The following CTXND1 variants were observed in gnomAD, a reference collection of about 807,000 sequenced individuals.
The protein encoded by CTXND1 is cortexin domain containing 1, also known as cortexin domain-containing 1 protein.
chr15:80,246,723 T>G (rs1223956058), intron 1 of CTXND1, among the ~76,000 whole-genome samples: 1 of 152,246 alleles, frequency 6.6e-6, no homozygotes, highest in Non-Finnish European at 1.5e-5. Context: ...TTTTAGACTC[T>G]AATGTTTATC....
intron 2 of CTXND1, 49 bp from the exon 3 acceptor site, chr15:80,202,063 C>G: frequency 2.5e-6 from 1 of 397,616 alleles, no homozygotes. Flanking sequence ...GGTCAGGTGC[C>G]TGGGGTGATT....
At chr15:80,243,914 C>T (rs73489266) in intron 1 of CTXND1, among the ~76,000 whole-genome samples, 1 of 152,164 alleles carries the variant, frequency 6.6e-6, no homozygotes, top group Non-Finnish European at 1.5e-5. Flanking sequence ...GTTAACAGCT[C>T]CTGGGAGGAG....
At chr15:80,227,515 G>A (rs1393571835) in intron 1 of CTXND1, among the ~76,000 whole-genome samples, 2 of 147,486 alleles carry the variant, frequency 1.4e-5, no homozygotes, top group South Asian at 4.4e-4. Context: ...AGATATTGTG[G>A]GTTCGGTTCT....
rs1482004224 is a variant in CTXND1 at position 80,196,863 on chromosome 15, T to TTTA, written c.*4904_*4906dup. 6.6e-6 allele frequency: 1 copy of TTTA among 152,198 alleles called. No individual in the cohort carries two copies. The highest frequency in any genetic ancestry group is 1.5e-5 in the Non-Finnish European group (1 of 68,066). 9.4% of individuals were successfully genotyped at this position (152,198 alleles called of 1,614,324 possible). On this transcript the variant is annotated 3_prime_UTR_variant, in exon 3 of 3. Coordinates refer to ENST00000560778, the MANE Select transcript of CTXND1 (RefSeq NM_001352888.2). ...GGGCAGGAGGCAAGAGGTCAAGGTA[T>TTTA]TTATTCCCCCAGCTCTCTTCCTACT...
chr15:80,213,411 C>T (rs1289442068), intron 1 of CTXND1, among the ~76,000 whole-genome samples: 2 of 151,892 alleles, frequency 1.3e-5, no homozygotes, highest in South Asian at 4.2e-4. Flanking sequence ...AAGGACCGTG[C>T]AGATGTGATT....
chr15:80,244,546 T>C (rs929933363), intron 1 of CTXND1, among the ~76,000 whole-genome samples: 1 of 152,034 alleles, frequency 6.6e-6, no homozygotes, highest in African/African-American at 2.4e-5. Context: ...TCAGGCAGAG[T>C]TTCCTTTGAG....
chr15:80,204,323 T>G (rs1051389983), intron 1 of CTXND1, among the ~76,000 whole-genome samples: 1 of 151,260 alleles, frequency 6.6e-6, no homozygotes, highest in Non-Finnish European at 1.5e-5. Flanking sequence ...GGCATTTATG[T>G]GTACTGTTCA....
At chr15:80,210,441 G>A (rs369765467) in intron 1 of CTXND1, among the ~76,000 whole-genome samples, 19 of 152,028 alleles carry the variant, frequency 1.2e-4, no homozygotes, top group African/African-American at 3.9e-4. Context: ...CTTCCCTCTC[G>A]CAGCCAGAGA....
chr15:80,240,565 C>T lies in CTXND1; in HGVS notation c.-218+11442G>A, dbSNP rs139858138. On this transcript the variant is annotated intron_variant, in intron 1 of 2. Transcript: ENST00000560778. ...GTTAGCAATGGAATCAGTTCCTAAT[C>T]ACTGTGTAGAGCGGAAAGCCTCTCC... Among the ~76,000 whole-genome samples the T allele has an allele frequency of 2.1e-3, 322 of 152,316 alleles. 3 individuals are homozygous for T. Among genetic ancestry groups the T allele is most frequent in the African/African-American group, 7.3e-3 (305 of 41,570 alleles).
chr15:80,239,452 T>C (rs1436543595), intron 1 of CTXND1, among the ~76,000 whole-genome samples: 1 of 152,194 alleles, frequency 6.6e-6, no homozygotes, highest in Non-Finnish European at 1.5e-5. Context: ...CACAATCTAA[T>C]CAGCTGCCAG....
chr15:80,221,200 C>T (rs536023928), intron 1 of CTXND1, among the ~76,000 whole-genome samples: 6 of 152,284 alleles, frequency 3.9e-5, no homozygotes, highest in East Asian at 1.9e-4. Flanking sequence ...TGAGCCACCA[C>T]GCCCAGCCTC....
chr15:80,216,893 G>A (rs1435873203), intron 1 of CTXND1, among the ~76,000 whole-genome samples: 3 of 152,142 alleles, frequency 2.0e-5, no homozygotes, highest in Non-Finnish European at 4.4e-5. Flanking sequence ...AGAATTACGG[G>A]TGTGAGCCAC....
intron 1 of CTXND1, among the ~76,000 whole-genome samples, chr15:80,240,372 C>A (rs1287606466): frequency 1.3e-5 from 2 of 152,200 alleles, no homozygotes; most frequent in Admixed American, 1.3e-4. Flanking sequence ...GTCTCCCTCT[C>A]TCTACCACTC....
At chr15:80,228,200 G>A (rs1893392568) in intron 1 of CTXND1, among the ~76,000 whole-genome samples, 1 of 152,158 alleles carries the variant, frequency 6.6e-6, no homozygotes, top group African/African-American at 2.4e-5. Flanking sequence ...TACCACATCT[G>A]CGGTTACTTC....
intron 1 of CTXND1, among the ~76,000 whole-genome samples, chr15:80,219,750 T>C (rs1266053921): frequency 6.6e-6 from 1 of 152,226 alleles, no homozygotes; most frequent in Admixed American, 6.5e-5. Flanking sequence ...TCATTATGGA[T>C]TTAATTTGCA....
chr15:80,222,795 A>G (rs1176506488), intron 1 of CTXND1, among the ~76,000 whole-genome samples: 1 of 152,150 alleles, frequency 6.6e-6, no homozygotes, highest in African/African-American at 2.4e-5. Flanking sequence ...TTGTTTCACT[A>G]AATCTGCCAT....
At chr15:80,222,665 G>A (rs1431128425) in intron 1 of CTXND1, among the ~76,000 whole-genome samples, 2 of 152,102 alleles carry the variant, frequency 1.3e-5, no homozygotes, top group African/African-American at 4.8e-5. Flanking sequence ...AATGGGTATA[G>A]TTGTAATTCT....
Position 80,196,359 on chromosome 15 carries a change from G to C in CTXND1, c.*5411C>G, listed in dbSNP as rs1168268136. ...ACGGCACTAAGAATTTGAATCCTCT[G>C]TGGATGAAGATTTGGGTCATTCCAC... On this transcript the variant is annotated 3_prime_UTR_variant, in exon 3 of 3. Transcript: ENST00000560778. 2 of 152,204 alleles carry C rather than the reference G, an allele frequency of 1.3e-5. No homozygotes were observed. Among genetic ancestry groups the C allele is most frequent in the Admixed American group, 6.5e-5 (1 of 15,284 alleles). 9.4% of individuals were successfully genotyped at this position (152,204 alleles called of 1,614,324 possible).
intron 1 of CTXND1, among the ~76,000 whole-genome samples, chr15:80,242,453 A>G (rs973995103): frequency 6.6e-6 from 1 of 152,200 alleles, no homozygotes; most frequent in East Asian, 1.9e-4. Flanking sequence ...GCTCTGAATT[A>G]TCTGTTTTCT....
Sources: allele counts gnomAD v4.1 joint callset (sites outside exome capture counted in the v4.1 genomes callset), GRCh38; gene constraint gnomAD v4.1.1; transcripts MANE v1.5; gene names NCBI Gene and HGNC (gene_info 2026-07-23, HGNC 2026-07-21).